Variants in MCTP2 observed in about 807,000 individuals in gnomAD.
MCTP2 encodes the protein multiple C2 and transmembrane domain containing 2.
MCTP2 carries 132 observed loss-of-function variants against 111.6 expected under a neutral mutation model. That is an observed-to-expected ratio of 1.18 (90% CI 1.03 to 1.37). The LOEUF (loss-of-function observed/expected upper bound fraction) is 1.37, where lower values mean the gene tolerates loss of function less well. MCTP2 is among the 40% of genes most tolerant of loss of function. MCTP2 has a pLI of 0.00. For missense variants in MCTP2, 1,183 were observed against 1,067.9 expected, an observed-to-expected ratio of 1.11 and a Z score of -1.50; for synonymous variants, 395 against 387.7, an observed-to-expected ratio of 1.02 and a Z score of -0.22.
At chr15:94,452,373 C>T (rs763107705) in intron 19 of MCTP2, among the ~76,000 whole-genome samples, 21 of 151,950 alleles carry the variant, frequency 1.4e-4, no homozygotes, top group Non-Finnish European at 2.6e-4. Context: ...GAACAAAGAC[C>T]GTAGTCAGCA....
chr15:94,475,785 C>T lies in MCTP2; in HGVS notation c.2471-911C>T, dbSNP rs538822086. Among the ~76,000 whole-genome samples the T allele has an allele frequency of 1.4e-4, 21 of 152,266 alleles. No homozygotes were observed. In the South Asian group the frequency reaches 3.5e-3, roughly 26 times the overall value. ...CCAAAGAGCAGAGTAGAAGACAAAACGTGGTTGAGAGGAACTCCCCTCTAA... is the reference window on the plus strand; with the variant it reads ...CCAAAGAGCAGAGTAGAAGACAAAATGTGGTTGAGAGGAACTCCCCTCTAA... On this transcript the variant is annotated intron_variant, in intron 21 of 22. Coordinates refer to ENST00000357742, the MANE Select transcript of MCTP2 (RefSeq NM_001385001.1).
chr15:94,245,102 A>G (rs923373092), intron 1 of MCTP2, among the ~76,000 whole-genome samples: 4 of 146,482 alleles, frequency 2.7e-5, no homozygotes, highest in Admixed American at 6.7e-5. Context: ...ATATGTACCT[A>G]TGTTTATATA....
rs547939609 is a variant in MCTP2 at position 94,263,613 on chromosome 15, G to A, written c.-66+31949G>A. Among the ~76,000 whole-genome samples the A allele has an allele frequency of 9.2e-5, 14 of 152,328 alleles. 1 individual carries two copies. The South Asian group carries it at 2.5e-3, about 27-fold the overall frequency. On this transcript the variant is annotated intron_variant, in intron 1 of 22. Transcript: ENST00000357742. ...ACACCAGACAACACTACAGCTTTAT[G>A]CTAGGGAACCATTTTAAACAGTGAA...
intron 12 of MCTP2, among the ~76,000 whole-genome samples, chr15:94,377,088 C>G (rs1223225411): frequency 1.3e-5 from 2 of 152,084 alleles, no homozygotes; most frequent in African/African-American, 4.8e-5. Flanking sequence ...TTTTATATTG[C>G]TGTTTTTGTT....
intron 4 of MCTP2, among the ~76,000 whole-genome samples, chr15:94,326,812 C>T (rs1434677758): frequency 1.7e-4 from 8 of 46,626 alleles, no homozygotes; most frequent in East Asian, 8.4e-4. Flanking sequence ...AGGTGATCCC[C>T]GCCCCACCCC....
At chr15:94,351,031 TTTATC>T (rs1252578255) in intron 8 of MCTP2, among the ~76,000 whole-genome samples, 1 of 152,150 alleles carries the variant, frequency 6.6e-6, no homozygotes, top group Non-Finnish European at 1.5e-5. Context: ...GAGTGACAAT[TTTATC>T]TTATAATTTA....
intron 1 of MCTP2, among the ~76,000 whole-genome samples, chr15:94,250,519 T>G (rs2072338188): frequency 6.6e-6 from 1 of 152,210 alleles, no homozygotes; most frequent in African/African-American, 2.4e-5. Context: ...GCAAAGCACC[T>G]GGCTCCTCAA....
At chr15:94,276,565 T>C (rs758656875) in intron 1 of MCTP2, among the ~76,000 whole-genome samples, 6 of 151,666 alleles carry the variant, frequency 4.0e-5, no homozygotes, top group Non-Finnish European at 5.9e-5. Context: ...AAGGAAAAAT[T>C]ACAGGTTGAT....
chr15:94,395,092 T>C (rs1159754914), intron 14 of MCTP2, among the ~76,000 whole-genome samples: 1 of 152,212 alleles, frequency 6.6e-6, no homozygotes, highest in Non-Finnish European at 1.5e-5. Flanking sequence ...AAGGCCTGAT[T>C]CCAAGTGGTG....
chr15:94,371,749 C>T (rs779141093), intron 12 of MCTP2, among the ~76,000 whole-genome samples: 21 of 152,122 alleles, frequency 1.4e-4, no homozygotes, highest in Non-Finnish European at 2.5e-4. Context: ...AGTACAATGG[C>T]GCCATCTTGG....
At chr15:94,249,326 G>C (rs1397264465) in intron 1 of MCTP2, among the ~76,000 whole-genome samples, 1 of 152,138 alleles carries the variant, frequency 6.6e-6, no homozygotes, top group African/African-American at 2.4e-5. Context: ...TTGTCTTAAA[G>C]AAAGTTGTAG....
chr15:94,347,999 A>G (rs898303139), intron 8 of MCTP2, among the ~76,000 whole-genome samples: 2 of 152,108 alleles, frequency 1.3e-5, no homozygotes, highest in Admixed American at 6.5e-5. Context: ...GTTATGGATT[A>G]TCTTTACTTT....
intron 17 of MCTP2, among the ~76,000 whole-genome samples, chr15:94,433,573 T>C (rs546967287): frequency 6.6e-6 from 1 of 152,380 alleles, no homozygotes; most frequent in Admixed American, 6.5e-5. Context: ...GCTGCTGTGC[T>C]ATGAACATTT....
intron 12 of MCTP2, among the ~76,000 whole-genome samples, chr15:94,374,862 G>A (rs75264416): frequency 0.13 from 20,382 of 152,102 alleles, 1,546 homozygotes; most frequent in Middle Eastern, 0.19. Context: ...AGCCCTCCAC[G>A]CCTAGCTCGG....
In MCTP2 at chr15:94,315,594, A is replaced by G. The variant is rs2076343393; in HGVS notation, c.594A>G (p.Ile198Met). The change falls in exon 4 of 23, where the codon ATA (isoleucine) becomes ATG (methionine). Residue 198 changes from isoleucine (I) to methionine (M), a missense_variant. Coordinates refer to ENST00000357742, the MANE Select transcript of MCTP2 (RefSeq NM_001385001.1). The part of the protein sequence containing the change: ...LPSPFAYLLT[I>M]HLKEGRNLVV... ...GCCCTTTTGCGTACCTCCTCACCAT[A>G]CACCTGAAGGAAGGCCGGAACCTGG... 6.2e-7 allele frequency: 1 copy of G among 1,614,016 alleles called. No homozygotes were observed. The highest frequency in any genetic ancestry group is 8.5e-7 in the Non-Finnish European group (1 of 1,180,032).
At chr15:94,326,341 C>T (rs1435978017) in intron 4 of MCTP2, among the ~76,000 whole-genome samples, 6 of 152,052 alleles carry the variant, frequency 3.9e-5, no homozygotes, top group South Asian at 2.1e-4. Context: ...CCACAACAAA[C>T]GTTCTTATAC....
At position 94,315,636 on chromosome 15, in the gene MCTP2, TGGTAAGACCTG is replaced by T. The variant is rs1467141948; in HGVS notation, c.637+3_637+13del. 6.2e-7 allele frequency: 1 copy of T among 1,610,696 alleles called. No homozygotes were observed. Among genetic ancestry groups the T allele is most frequent in the Admixed American group, 1.7e-5 (1 of 59,994 alleles). On this transcript the variant is annotated splice_donor_variant and splice_donor_5th_base_variant and coding_sequence_variant and intron_variant, in exon 4 of 23. Coordinates refer to ENST00000357742, the MANE Select transcript of MCTP2 (RefSeq NM_001385001.1). LOFTEE classifies it high-confidence loss of function. ...GGAACCTGGTTGTCCGAGATCGCTGTGGTAAGACCTGGGTCTGTTATGGTGGGTGTAGCCTG... is the reference window on the plus strand; with the variant it reads ...GGAACCTGGTTGTCCGAGATCGCTGTGGTCTGTTATGGTGGGTGTAGCCTG...
chr15:94,422,346 G>A (rs549358531), intron 17 of MCTP2, among the ~76,000 whole-genome samples: 7 of 152,268 alleles, frequency 4.6e-5, no homozygotes, highest in African/African-American at 1.7e-4. Flanking sequence ...TAGTTAGTGA[G>A]TGAGTGTAAG....
Position 94,238,656 on chromosome 15 carries a change from A to T in MCTP2, c.-66+6992A>T, listed in dbSNP as rs11854678. ...TTGAGAGGGGAAACCAGACAGTTTC[A>T]CAAGTGATTACAATGAAGCGTGCTG... On this transcript the variant is annotated intron_variant, in intron 1 of 22. Coordinates refer to ENST00000357742, the MANE Select transcript of MCTP2 (RefSeq NM_001385001.1). Among the ~76,000 whole-genome samples, 678 of 152,358 alleles carry T rather than the reference A, an allele frequency of 4.5e-3. 8 individuals carry two copies. The highest frequency in any genetic ancestry group is 0.015 in the African/African-American group (634 of 41,594).
Sources: allele counts gnomAD v4.1 joint callset (sites outside exome capture counted in the v4.1 genomes callset), GRCh38; gene constraint gnomAD v4.1.1; transcripts MANE v1.5; gene names NCBI Gene and HGNC (gene_info 2026-07-23, HGNC 2026-07-21).